KIF6: variants seen among roughly 807,000 people sequenced by gnomAD.
KIF6 encodes kinesin-like protein KIF6.
In KIF6, 106 loss-of-function variants were observed where a neutral mutation model predicts 112.7. The ratio of observed to expected loss-of-function variants is 0.94; its 90% confidence interval spans 0.80 to 1.11. KIF6 has a LOEUF of 1.11. KIF6 is among the 50% of genes least tolerant of loss of function. The pLI, the probability that KIF6 is intolerant of heterozygous loss-of-function variation, is 0.00. For missense variants in KIF6, 929 were observed against 964.0 expected, an observed-to-expected ratio of 0.96 and a Z score of 0.48; for synonymous variants, 339 against 339.9, an observed-to-expected ratio of 1.00 and a Z score of 0.03.
intron 16 of KIF6, among the ~76,000 whole-genome samples, chr6:39,383,529 G>A (rs1342588674): frequency 6.6e-6 from 1 of 152,076 alleles, no homozygotes; most frequent in Non-Finnish European, 1.5e-5. Flanking sequence ...ATGTCTGGTT[G>A]TGTACTAATA....
intron 5 of KIF6, among the ~76,000 whole-genome samples, chr6:39,621,003 A>T: frequency 6.6e-6 from 1 of 152,022 alleles, no homozygotes; most frequent in East Asian, 1.9e-4. Context: ...TCCTGACCTT[A>T]GGTGATTTGC....
At chr6:39,534,704 A>G (rs1778303206) in intron 13 of KIF6, among the ~76,000 whole-genome samples, 1 of 152,214 alleles carries the variant, frequency 6.6e-6, no homozygotes, top group Non-Finnish European at 1.5e-5. Flanking sequence ...TTCAGGAAAT[A>G]CAGAGAATGC....
intron 1 of KIF6, among the ~76,000 whole-genome samples, chr6:39,723,915 A>T (rs1267255051): frequency 6.6e-6 from 1 of 152,194 alleles, no homozygotes; most frequent in Non-Finnish European, 1.5e-5. Flanking sequence ...TAAATGTTCT[A>T]AAATTGAAAA....
intron 5 of KIF6, among the ~76,000 whole-genome samples, chr6:39,617,307 T>C (rs1010589079): frequency 6.6e-6 from 1 of 152,174 alleles, no homozygotes; most frequent in Non-Finnish European, 1.5e-5. Flanking sequence ...TCTTTTTAAC[T>C]GACTGAAGCA....
intron 13 of KIF6, among the ~76,000 whole-genome samples, chr6:39,493,275 A>AT (rs1775579231): frequency 6.6e-6 from 1 of 152,186 alleles, no homozygotes; most frequent in African/African-American, 2.4e-5. Flanking sequence ...CAACCCCTTC[A>AT]TTTTACAGAT....
chr6:39,638,224 T>C (rs1423905640), intron 4 of KIF6, among the ~76,000 whole-genome samples: 1 of 152,052 alleles, frequency 6.6e-6, no homozygotes, highest in African/African-American at 2.4e-5. Flanking sequence ...ATCTGGACAA[T>C]ATCTTTAAAT....
intron 7 of KIF6, among the ~76,000 whole-genome samples, chr6:39,588,402 T>C (rs1007670516): frequency 1.3e-5 from 2 of 151,660 alleles, no homozygotes; most frequent in Non-Finnish European, 2.9e-5. Flanking sequence ...TTTAGTAGAG[T>C]TGGGGTTTTG....
intron 3 of KIF6, among the ~76,000 whole-genome samples, chr6:39,664,793 A>G (rs1227224910): frequency 1.3e-5 from 2 of 152,178 alleles, no homozygotes; most frequent in Non-Finnish European, 2.9e-5. Flanking sequence ...CAAAGATACA[A>G]TCCTTAATAC....
intron 3 of KIF6, among the ~76,000 whole-genome samples, chr6:39,652,554 C>T (rs557021327): frequency 9.1e-4 from 137 of 151,246 alleles, no homozygotes; most frequent in African/African-American, 3.2e-3. Context: ...ACAAAACAAA[C>T]AAAGAAAAAC....
At chr6:39,608,879 G>A (rs951075436) in intron 6 of KIF6, among the ~76,000 whole-genome samples, 3 of 152,176 alleles carry the variant, frequency 2.0e-5, no homozygotes, top group Non-Finnish European at 4.4e-5. Flanking sequence ...AGTAACTGAT[G>A]ACCTACTAGT....
intron 3 of KIF6, among the ~76,000 whole-genome samples, chr6:39,706,413 A>C (rs748356492): frequency 6.6e-6 from 1 of 152,230 alleles, no homozygotes; most frequent in Non-Finnish European, 1.5e-5. Flanking sequence ...TAGAATGGGA[A>C]TATTATCCCC....
At chr6:39,684,549 G>A (rs1787734696) in intron 3 of KIF6, among the ~76,000 whole-genome samples, 1 of 151,538 alleles carries the variant, frequency 6.6e-6, no homozygotes, top group Non-Finnish European at 1.5e-5. Context: ...CCGGGAGGCG[G>A]AGTTTGCAGT....
chr6:39,578,013 C>G (rs957018252), intron 10 of KIF6, 43 bp downstream of exon 10: 9 of 1,327,484 alleles, frequency 6.8e-6, no homozygotes, highest in Non-Finnish European at 9.7e-6. Context: ...TTAACACAAA[C>G]TTTCACTGTT....
chr6:39,366,387 G>A (rs1165617290), intron 16 of KIF6, among the ~76,000 whole-genome samples: 1 of 152,298 alleles, frequency 6.6e-6, no homozygotes, highest in East Asian at 1.9e-4. Context: ...AATGTTTATC[G>A]AGCATTGACT....
intron 13 of KIF6, among the ~76,000 whole-genome samples, chr6:39,437,737 G>A (rs1771626310): frequency 6.6e-6 from 1 of 152,120 alleles, no homozygotes; most frequent in South Asian, 2.1e-4. Context: ...CCCACATAAA[G>A]ACGTTTCAAT....
intron 19 of KIF6, among the ~76,000 whole-genome samples, chr6:39,347,913 C>G (rs1479741446): frequency 1.3e-5 from 2 of 152,234 alleles, no homozygotes; most frequent in East Asian, 1.9e-4. Context: ...ATGTCCATTT[C>G]CTAGCAGTGG....
At chr6:39,725,142 A>G (rs1790462947) in intron 1 of KIF6, 103 bp downstream of exon 1, 4 of 965,070 alleles carry the variant, frequency 4.1e-6, no homozygotes, top group Admixed American at 3.2e-5. Flanking sequence ...CTCGGCGCCC[A>G]CCAGCAAGCC....
chr6:39,640,595 T>C (rs572581735), intron 3 of KIF6, among the ~76,000 whole-genome samples: 2 of 152,244 alleles, frequency 1.3e-5, no homozygotes, highest in African/African-American at 4.8e-5. Context: ...GATTTTTTGA[T>C]AGATGGCTCC....
chr6:39,544,297 A>T (rs1778947621), intron 12 of KIF6, among the ~76,000 whole-genome samples: 1 of 152,248 alleles, frequency 6.6e-6, no homozygotes. Flanking sequence ...AAAAAGGCTC[A>T]TACTTTGAAA....
Sources: allele counts gnomAD v4.1 joint callset (sites outside exome capture counted in the v4.1 genomes callset), GRCh38; gene constraint gnomAD v4.1.1; transcripts MANE v1.5; gene names NCBI Gene and HGNC (gene_info 2026-07-23, HGNC 2026-07-21).